RTL9: variants seen among roughly 807,000 people sequenced by gnomAD.
The protein encoded by RTL9 is retrotransposon Gag like 9.
RTL9 carries 19 observed loss-of-function variants against 44.7 expected under a neutral mutation model. The ratio of observed to expected loss-of-function variants is 0.42; its 90% CI spans 0.30 to 0.62. The LOEUF (loss-of-function observed/expected upper bound fraction) is 0.62. RTL9 is among the 20% of genes least tolerant of loss of function. RTL9 has a pLI of 0.16. For missense variants in RTL9, 1,105 were observed against 1,080.6 expected (o/e 1.02, Z -0.32); for synonymous variants, 407 against 398.9 (o/e 1.02, Z -0.24).
chrX:110,426,034 C>T (rs1437223073), intron 1 of RTL9, among the ~76,000 whole-genome samples: 1 of 111,858 alleles, frequency 8.9e-6, no homozygotes, highest in Non-Finnish European at 1.9e-5. Flanking sequence ...CCTGCATGGC[C>T]CTTGCTCTCC....
chrX:110,433,961 G>A (rs1481526095), intron 1 of RTL9, among the ~76,000 whole-genome samples: 2 of 111,526 alleles, frequency 1.8e-5, no homozygotes, highest in African/African-American at 3.3e-5. Flanking sequence ...TCTAGTGGGA[G>A]GGACCGAGGC....
At chrX:110,447,571 A>T (rs998167498), upstream of RTL9, among the ~76,000 whole-genome samples, 7 of 110,524 alleles carry the variant, frequency 6.3e-5, no homozygotes, top group South Asian at 3.9e-4. Context: ...TCTGGGATTT[A>T]AAAAAAATTA....
At chrX:110,456,048 T>TG (rs1395598305) in exon 2 of RTL9, 1 of 111,996 alleles carries the variant, frequency 8.9e-6, no homozygotes, top group Non-Finnish European at 1.9e-5. Flanking sequence ...TGTCCCTCAG[T>TG]GGGGGTTCTC....
chrX:110,454,873 G>T (rs1288267276), intron 1 of RTL9, among the ~76,000 whole-genome samples: 2 of 111,573 alleles, frequency 1.8e-5, no homozygotes, highest in African/African-American at 3.3e-5. Context: ...GCAATGTCCT[G>T]CCCAAGTTAC....
intron 1 of RTL9, among the ~76,000 whole-genome samples, chrX:110,375,632 A>G (rs1021807322): frequency 3.6e-5 from 4 of 112,116 alleles, no homozygotes; most frequent in Non-Finnish European, 7.5e-5. Flanking sequence ...AAATGAAATC[A>G]GGGATGGGGA....
exon 1 of RTL9, chrX:110,452,053 G>C: frequency 8.3e-7 from 1 of 1,210,776 alleles, no homozygotes. Context: ...ATGCCCACAG[G>C]CTCTATGAAA....
At chrX:110,378,008 C>CAAAA (rs755483656) in intron 1 of RTL9, among the ~76,000 whole-genome samples, 1,692 of 30,898 alleles carry the variant, frequency 0.055, 215 homozygotes, top group African/African-American at 0.22. Context: ...GACTCCGTCT[C>CAAAA]AAAAAAAAAA....
At chrX:110,454,732 TC>T (rs2068970524) in intron 1 of RTL9, 68 bp downstream of exon 3, 2 of 942,829 alleles carry the variant, frequency 2.1e-6, no homozygotes, top group Non-Finnish European at 2.9e-6. Flanking sequence ...AGGGAATACA[TC>T]CTGCTTCCTT....
upstream of RTL9, among the ~76,000 whole-genome samples, chrX:110,446,696 T>G (rs894183137): frequency 9.0e-6 from 1 of 111,626 alleles, no homozygotes; most frequent in Non-Finnish European, 1.9e-5. Flanking sequence ...ATCTACATAT[T>G]TATCTTTATG....
At chrX:110,453,680 C>T (rs2068961902) in exon 1 of RTL9, 1 of 1,210,450 alleles carries the variant, frequency 8.3e-7, no homozygotes, top group Admixed American at 2.2e-5. Flanking sequence ...CAATTAGAGC[C>T]TCTGCTTCTG....
In RTL9 at chrX:110,362,863, G is replaced by A. The variant is rs192591463; in HGVS notation, c.-168+3947G>A. Among the ~76,000 whole-genome samples, 37 of 111,226 alleles carry A rather than the reference G, an allele frequency of 3.3e-4. No individual in the cohort carries two copies. The Admixed American group carries it at 3.5e-3, about 10-fold the overall frequency. On this transcript the variant is annotated intron_variant, in intron 1 of 2. Transcript: ENST00000520821. ...ACTACGTATGTGGTATTGTGCTGGGGGATTTATATATATTAATTCATTTAA... is the reference window on the plus strand; with the variant it reads ...ACTACGTATGTGGTATTGTGCTGGGAGATTTATATATATTAATTCATTTAA...
intron 1 of RTL9, among the ~76,000 whole-genome samples, chrX:110,423,539 C>T (rs1040679615): frequency 1.8e-5 from 2 of 111,696 alleles, no homozygotes; most frequent in African/African-American, 6.5e-5. Context: ...AGGTCACTGC[C>T]ATGATCAGTT....
intron 1 of RTL9, among the ~76,000 whole-genome samples, chrX:110,428,665 C>T (rs1183042424): frequency 9.0e-6 from 1 of 111,136 alleles, no homozygotes; most frequent in Non-Finnish European, 1.9e-5. Context: ...TGCTCAAACA[C>T]TTTCAGTCAT....
intron 1 of RTL9, among the ~76,000 whole-genome samples, chrX:110,373,148 C>T (rs182190051): frequency 6.3e-5 from 7 of 111,621 alleles, no homozygotes; most frequent in African/African-American, 1.3e-4. Context: ...AAGTAACTTG[C>T]GCAGCTAGGA....
At chrX:110,446,163 A>G (rs1283508226), upstream of RTL9, among the ~76,000 whole-genome samples, 3 of 111,426 alleles carry the variant, frequency 2.7e-5, no homozygotes, top group Non-Finnish European at 5.6e-5. Flanking sequence ...AGACACACCC[A>G]ACTGTGAACA....
chrX:110,435,947 A>C (rs1319594566), intron 1 of RTL9, among the ~76,000 whole-genome samples: 1 of 112,564 alleles, frequency 8.9e-6, no homozygotes, highest in Non-Finnish European at 1.9e-5. Flanking sequence ...GGCAAAGAGC[A>C]AATCACAGAA....
intron 1 of RTL9, among the ~76,000 whole-genome samples, chrX:110,399,583 A>T (rs1313653646): frequency 1.3e-4 from 15 of 112,513 alleles, no homozygotes; most frequent in Non-Finnish European, 2.4e-4. Context: ...CTCATATTAG[A>T]TGTGATACAA....
intron 1 of RTL9, among the ~76,000 whole-genome samples, chrX:110,444,840 T>G (rs1299255178): frequency 8.9e-6 from 1 of 112,414 alleles, no homozygotes; most frequent in Non-Finnish European, 1.9e-5. Context: ...ACATCAAGCT[T>G]ACAGCTTTGG....
intron 1 of RTL9, among the ~76,000 whole-genome samples, chrX:110,432,660 T>C (rs2068806584): frequency 9.0e-6 from 1 of 111,531 alleles, no homozygotes; most frequent in Non-Finnish European, 1.9e-5. Flanking sequence ...AAAGACAGAG[T>C]GTTCCACAGG....
Sources: allele counts gnomAD v4.1 joint callset (sites outside exome capture counted in the v4.1 genomes callset), GRCh38; gene constraint gnomAD v4.1.1; transcripts MANE v1.5; gene names NCBI Gene and HGNC (gene_info 2026-07-23, HGNC 2026-07-21).